SEMA3F: variants seen among roughly 807,000 people sequenced by gnomAD.
The protein encoded by SEMA3F is semaphorin 3F.
In SEMA3F, 30 loss-of-function variants were observed where a neutral mutation model predicts 98.5. That is an observed-to-expected ratio of 0.30 (90% CI 0.23 to 0.41). SEMA3F has a LOEUF of 0.41. Ranked by LOEUF, SEMA3F falls within the 10% of genes least tolerant of loss-of-function variation. The probability of loss-of-function intolerance (pLI) is 1.00; values close to 1 mark genes in which losing one functional copy is unlikely to be tolerated. For synonymous variants in SEMA3F, 380 were observed against 444.8 expected (o/e 0.85, Z 1.83); for missense variants, 866 against 1,119.3 (o/e 0.77, Z 3.23).
At position 50,176,957 on chromosome 3, in the gene SEMA3F, A is replaced by G. The variant is rs1196791208; in HGVS notation, c.643+96A>G. The stretch of plus-strand genomic sequence containing the variant: ...CAACACTTACCCAAGGGCAGAGACC[A>G]TGACTAGGCTGTCCCTGAACTCCCC... On this transcript the variant is annotated intron_variant, in intron 7 of 18. Transcript: ENST00000002829. 14 of 1,014,838 alleles carry G rather than the reference A, an allele frequency of 1.4e-5. No individual in the cohort carries two copies. The East Asian group carries it at 2.7e-4, about 19-fold the overall frequency. 62.9% of individuals were successfully genotyped at this position (1,014,838 alleles called of 1,614,324 possible).
chr3:50,184,076 A>C (rs2109117942), intron 12 of SEMA3F, among the ~76,000 whole-genome samples: 1 of 152,252 alleles, frequency 6.6e-6, no homozygotes, highest in South Asian at 2.1e-4. Context: ...AGCTGGTCTC[A>C]GTGGGGGACA....
rs1487059669 is a variant in SEMA3F at position 50,156,691 on chromosome 3, G to C, written c.-49+1127G>C. ...TAGGGTATAGTGTCTAGGCAGGCGG[G>C]GGGCACAGGCATGCCTACTCCTGCT... is the stretch of plus-strand genomic sequence containing the variant. On this transcript the variant is annotated intron_variant, in intron 1 of 18. Coordinates refer to ENST00000002829, the MANE Select transcript of SEMA3F (RefSeq NM_004186.5). The surrounding 1 kb of genome is among the most constrained non-coding windows in gnomAD (Gnocchi z 4.5). Among the ~76,000 whole-genome samples the C allele has an allele frequency of 1.3e-5, 2 of 152,212 alleles. No homozygotes were observed. Among genetic ancestry groups the C allele is most frequent in the African/African-American group, 4.8e-5 (2 of 41,450 alleles).
rs1204451577 is a variant in SEMA3F, at chr3:50,186,031, C to T, written c.1730C>T (p.Thr577Ile). 6.2e-7 allele frequency: 1 copy of T among 1,612,224 alleles called. No homozygotes were observed. Among genetic ancestry groups the T allele is most frequent in the Admixed American group, 1.7e-5 (1 of 59,894 alleles). The part of the protein sequence containing the change: ...AWDGQACSRY[T>I]ASSKRRSRRQ... ...GATGGCCAGGCCTGCTCCCGCTATA[C>T]AGCATCCTCCAAGAGGTGTGGACCC... Residue 577 changes from threonine (T) to isoleucine (I), a missense_variant, in exon 16 of 19, where the codon ACA becomes ATA. By Grantham distance (89) the Thr-to-Ile change is moderately conservative. Around this residue, in one of 3 missense-constraint regions of SEMA3F, gnomAD observed 374 missense variants for 582.8 expected, o/e 0.64. Coordinates refer to ENST00000002829, the MANE Select transcript of SEMA3F (RefSeq NM_004186.5).
chr3:50,182,887 CT>C lies in SEMA3F; in HGVS notation c.904-15del. On this transcript the variant is annotated splice_polypyrimidine_tract_variant and intron_variant, in intron 9 of 18. Coordinates refer to ENST00000002829, the MANE Select transcript of SEMA3F (RefSeq NM_004186.5). The surrounding 1 kb of genome is among the most constrained non-coding windows in gnomAD (Gnocchi z 4.5). ...GTCAAGAGCTGATCTGACCCGGCCT[CT>C]TGCCCCACCCCCCAGAACGATGACG... The C allele has an allele frequency of 6.2e-7, 1 of 1,613,340 alleles. No homozygotes were observed. The highest frequency in any genetic ancestry group is 8.5e-7 in the Non-Finnish European group (1 of 1,179,614).
At chr3:50,170,926 C>T (rs1278750207) in intron 2 of SEMA3F, among the ~76,000 whole-genome samples, 2 of 152,128 alleles carry the variant, frequency 1.3e-5, no homozygotes, top group African/African-American at 4.8e-5. Context: ...CCACGGGGAG[C>T]GAGTCACCTT....
intron 13 of SEMA3F, 54 bp downstream of exon 13, chr3:50,184,868 G>A (rs1699151994): frequency 2.9e-6 from 4 of 1,385,662 alleles, no homozygotes; most frequent in African/African-American, 1.4e-5. Context: ...GGTGCGGGGT[G>A]CAGATCCTTG....
intron 2 of SEMA3F, among the ~76,000 whole-genome samples, chr3:50,163,452 A>G (rs973353672): frequency 1.3e-5 from 2 of 152,220 alleles, no homozygotes; most frequent in Non-Finnish European, 2.9e-5. Context: ...AATAGCCCAG[A>G]ACAGTGCCAC....
intron 1 of SEMA3F, among the ~76,000 whole-genome samples, chr3:50,157,828 G>A (rs1471019922): frequency 6.6e-6 from 1 of 152,210 alleles, no homozygotes; most frequent in African/African-American, 2.4e-5. Context: ...TTGTCACCAT[G>A]AACATGGATG....
At chr3:50,171,760 G>C (rs527951411) in intron 2 of SEMA3F, among the ~76,000 whole-genome samples, 1 of 152,302 alleles carries the variant, frequency 6.6e-6, no homozygotes, top group South Asian at 2.1e-4. Context: ...CCCAACAACA[G>C]GTGCGGGACA....
chr3:50,185,396 T>A, intron 13 of SEMA3F, 47 bp from the exon 14 acceptor site: 3 of 1,481,882 alleles, frequency 2.0e-6, no homozygotes, highest in Non-Finnish European at 2.8e-6. Context: ...TGGTACCCCT[T>A]CCCCAGCATC....
At chr3:50,181,828 C>T (rs1219374979) in intron 7 of SEMA3F, among the ~76,000 whole-genome samples, 1 of 152,140 alleles carries the variant, frequency 6.6e-6, no homozygotes, top group South Asian at 2.1e-4. Flanking sequence ...CCATCTTGGC[C>T]AGGCTGGCTT....
rs370853090 is a variant in SEMA3F, at chr3:50,185,869, G to T, written c.1588-20G>T. The T allele has an allele frequency of 4.4e-6, 7 of 1,607,980 alleles. No individual in the cohort carries two copies. Among genetic ancestry groups the T allele is most frequent in the Non-Finnish European group, 5.1e-6 (6 of 1,175,580 alleles). On this transcript the variant is annotated intron_variant, in intron 15 of 18. Transcript: ENST00000002829. ...CTGGCTATGGGACAGGAACTGACAA[G>T]GCCCTACCCTTTGCCCCAGCAACAA...
intron 7 of SEMA3F, among the ~76,000 whole-genome samples, chr3:50,180,323 C>G (rs1445067472): frequency 6.6e-6 from 1 of 152,054 alleles, no homozygotes; most frequent in Non-Finnish European, 1.5e-5. Flanking sequence ...ACCACCACCT[C>G]TGGCTAATTT....
rs766842353 is a variant in SEMA3F at position 50,182,797 on chromosome 3, G to T, written c.903+14G>T. 1.9e-6 allele frequency: 3 copies of T among 1,611,910 alleles called. No homozygotes were observed. Among genetic ancestry groups the T allele is most frequent in the Non-Finnish European group, 2.5e-6 (3 of 1,179,350 alleles). On this transcript the variant is annotated intron_variant, in intron 9 of 18. Coordinates refer to ENST00000002829, the MANE Select transcript of SEMA3F (RefSeq NM_004186.5). This position sits in a 1 kb window ranked among gnomAD's most constrained non-coding sequence, Gnocchi z 4.5. Reference sequence around the variant, plus strand: ...CGCATTTGCCTGGTATGCATTGGCAGAGCCACCAGGCTGCCCCTTCCACCA... The same window carrying T: ...CGCATTTGCCTGGTATGCATTGGCATAGCCACCAGGCTGCCCCTTCCACCA...
chr3:50,186,289 GCCGGCAGGACGT>G lies in SEMA3F; in HGVS notation c.1761_1772del (p.Gln587_Arg590del). 1 of 1,613,684 alleles carries G rather than the reference GCCGGCAGGACGT, an allele frequency of 6.2e-7. No individual in the cohort carries two copies. Among genetic ancestry groups the G allele is most frequent in the South Asian group, 1.1e-5 (1 of 91,076 alleles). ...GGGCTATCCTCATCCAGGCGGAGCC[GCCGGCAGGACGT>G]CCGGCACGGAAACCCCATCAGGCAG... On this transcript the variant is annotated inframe_deletion, in exon 17 of 19. Coordinates refer to ENST00000002829, the MANE Select transcript of SEMA3F (RefSeq NM_004186.5).
intron 2 of SEMA3F, among the ~76,000 whole-genome samples, chr3:50,163,395 A>G (rs1300373886): frequency 6.6e-6 from 1 of 152,238 alleles, no homozygotes; most frequent in East Asian, 1.9e-4. Context: ...CTAAGAGAGG[A>G]AAGGGCTCCT....
chr3:50,156,798 C>T lies in SEMA3F; in HGVS notation c.-49+1234C>T, dbSNP rs571734367. ...GAGAAAGCAGGGGCCAGAGAGAAGG[C>T]GGCAGCCCACCCAGCCTCAGCCCCT... On this transcript the variant is annotated intron_variant, in intron 1 of 18. Transcript: ENST00000002829. The surrounding 1 kb of genome is among the most constrained non-coding windows in gnomAD (Gnocchi z 4.5). 2.9e-3 allele frequency among the ~76,000 whole-genome samples: 441 copies of T among 152,250 alleles called. 5 individuals are homozygous for T. The highest frequency in any genetic ancestry group is 5.3e-4 in the Non-Finnish European group (36 of 68,016).
At chr3:50,169,291 A>G (rs1698516125) in intron 2 of SEMA3F, among the ~76,000 whole-genome samples, 1 of 152,122 alleles carries the variant, frequency 6.6e-6, no homozygotes, top group Admixed American at 6.5e-5. Context: ...CTTCCCAGAT[A>G]TGAGGGACCG....
rs1699050683 is a variant in SEMA3F, at chr3:50,182,483, G to A, written c.763+80G>A. 1.9e-6 allele frequency: 3 copies of A among 1,596,426 alleles called. No homozygotes were observed. In the South Asian group the frequency reaches 3.3e-5, roughly 18 times the overall value. ...AGGTCGTAAAGAAGCACATGTGGGG[G>A]AAGTGGGGACATGTTTAGCCTATGA... On this transcript the variant is annotated intron_variant, in intron 8 of 18. Coordinates refer to ENST00000002829, the MANE Select transcript of SEMA3F (RefSeq NM_004186.5). This position sits in a 1 kb window ranked among gnomAD's most constrained non-coding sequence, Gnocchi z 4.5.
Sources: gnomAD v4.1 joint callset for allele counts (sites outside exome capture counted in the v4.1 genomes callset) on GRCh38, gnomAD v4.1.1 for gene constraint, gnomAD v4.1.1 regional missense constraint, Gnocchi (gnomAD v3.1) non-coding constraint, MANE v1.5 for transcripts, NCBI Gene and HGNC (gene_info 2026-07-23, HGNC 2026-07-21) for gene names.